The following CACNA1A variants were observed in gnomAD, a reference collection of about 807,000 sequenced individuals.
CACNA1A encodes the protein calcium voltage-gated channel subunit alpha1 A.
In CACNA1A, 57 loss-of-function variants were observed where a neutral mutation model predicts 262.4. The ratio of observed to expected loss-of-function variants is 0.22; its 90% CI spans 0.18 to 0.27. The LOEUF (loss-of-function observed/expected upper bound fraction) is 0.27. Among genes scored for constraint, CACNA1A ranks in the 10% least tolerant of loss-of-function variants. CACNA1A has a pLI of 1.00. For missense variants in CACNA1A, 2,526 were observed against 3,562.8 expected (o/e 0.71, Z 7.41); for synonymous variants, 1,431 against 1,419.3 (o/e 1.01, Z -0.18).
At chr19:13,355,294 C>A (rs1168282797) in intron 6 of CACNA1A, among the ~76,000 whole-genome samples, 2 of 152,196 alleles carry the variant, frequency 1.3e-5, no homozygotes, top group Non-Finnish European at 2.9e-5. Flanking sequence ...GAAGGATCCT[C>A]CCCCGGAGGC....
At chr19:13,468,557 T>C (rs373644262) in intron 1 of CACNA1A, among the ~76,000 whole-genome samples, 112 of 152,214 alleles carry the variant, frequency 7.4e-4, no homozygotes, top group Middle Eastern at 3.4e-3. Context: ...GAGGCCAAGG[T>C]GGCCGGATCA....
At chr19:13,487,564 G>C (rs1862256) in intron 1 of CACNA1A, among the ~76,000 whole-genome samples, 79,020 of 151,248 alleles carry the variant, frequency 0.52, 21,193 homozygotes, top group East Asian at 0.66. Flanking sequence ...ACTACAGAGA[G>C]GTGATGGTTG....
At chr19:13,326,446 C>T (rs1052267532) in intron 10 of CACNA1A, among the ~76,000 whole-genome samples, 1 of 152,196 alleles carries the variant, frequency 6.6e-6, no homozygotes, top group East Asian at 1.9e-4. Flanking sequence ...CTTTATAGTG[C>T]GTTTATCAAC....
chr19:13,443,500 C>T (rs1470916294), intron 3 of CACNA1A, among the ~76,000 whole-genome samples: 1 of 151,968 alleles, frequency 6.6e-6, no homozygotes, highest in South Asian at 2.1e-4. Flanking sequence ...TACCAACATA[C>T]CTGGCCAACT....
intron 24 of CACNA1A, among the ~76,000 whole-genome samples, chr19:13,267,246 AAAG>A (rs2056885358): frequency 6.6e-6 from 1 of 152,144 alleles, no homozygotes; most frequent in Non-Finnish European, 1.5e-5. Context: ...GCCTCAGAAA[AAAG>A]AACACAGAAC....
intron 6 of CACNA1A, among the ~76,000 whole-genome samples, chr19:13,347,059 G>GTTTGTTTTTTTTTTTTTTTT (rs1600390610): frequency 5.1e-5 from 3 of 58,394 alleles, no homozygotes; most frequent in Non-Finnish European, 7.0e-5. Context: ...TGTTTTTTTT[G>GTTTGTTTTTTTTTTTTTTTT]TTTTTTTGTT....
At chr19:13,302,649 A>G (rs2057810403) in intron 17 of CACNA1A, among the ~76,000 whole-genome samples, 1 of 152,130 alleles carries the variant, frequency 6.6e-6, no homozygotes, top group South Asian at 2.1e-4. Context: ...CCAGCCCCTA[A>G]GGATGGACTC....
intron 30 of CACNA1A, among the ~76,000 whole-genome samples, chr19:13,247,873 G>A (rs1205461585): frequency 6.6e-6 from 1 of 152,096 alleles, no homozygotes. Context: ...ACAAGTGTTA[G>A]GGAATTAATA....
rs2144629622 is a variant in CACNA1A at position 13,231,775 on chromosome 19, G to T, written c.5335C>A (p.Arg1779=). ...TAAGCAAATTCATTGCCACACTCTC[G>T]AGTCAGGATGCCAGAGTTCTTATCA... ...PCDKNSGILT[R]ECGNEFAYFY... is the part of the protein sequence containing the mutation. Residue 1779 remains arginine, a synonymous_variant, in exon 35 of 47, where the codon CGA becomes AGA. Transcript: ENST00000360228. 6.2e-7 allele frequency: 1 copy of T among 1,613,836 alleles called. No individual in the cohort carries two copies.
chr19:13,404,992 G>A (rs10409827), intron 3 of CACNA1A, among the ~76,000 whole-genome samples: 1 of 151,924 alleles, frequency 6.6e-6, no homozygotes, highest in Non-Finnish European at 1.5e-5. Context: ...CACCTCCCGG[G>A]TTCAAGCGAT....
rs1370306846 is a variant in CACNA1A at position 13,241,492 on chromosome 19, T to C, written c.4950+3690A>G. On this transcript the variant is annotated intron_variant, in intron 31 of 46. Coordinates refer to ENST00000360228, the MANE Select transcript of CACNA1A (RefSeq NM_001127222.2). This position sits in a 1 kb window ranked among gnomAD's most constrained non-coding sequence, Gnocchi z 4.0. ...ATGCGTTCACAGTTAATGTAAGGCA[T>C]TTAGACTTCAGAAAGAAGTAAGACC... The C allele has an allele frequency of 3.4e-5, 52 of 1,521,476 alleles. No homozygotes were observed. The highest frequency in any genetic ancestry group is 4.5e-5 in the Non-Finnish European group (51 of 1,126,000). 94.2% of individuals were successfully genotyped at this position (1,521,476 alleles called of 1,614,324 possible).
chr19:13,329,618 A>G (rs7255442), intron 10 of CACNA1A, among the ~76,000 whole-genome samples: 36,750 of 150,216 alleles, frequency 0.24, 5,509 homozygotes, highest in African/African-American at 0.43. Flanking sequence ...CCTCCAGAGT[A>G]GCTGGAACTA....
intron 3 of CACNA1A, among the ~76,000 whole-genome samples, chr19:13,415,768 A>AAAAAAAAAAAAAAAAAAAAAAAAG (rs2060209435): frequency 6.9e-6 from 1 of 145,504 alleles, no homozygotes; most frequent in Admixed American, 6.8e-5. Flanking sequence ...AAAAAAAAAA[A>AAAAAAAAAAAAAAAAAAAAAAAAG]AAAAAGTAGA....
chr19:13,310,034 G>C (rs1253574905), intron 12 of CACNA1A, among the ~76,000 whole-genome samples: 1 of 152,088 alleles, frequency 6.6e-6, no homozygotes, highest in East Asian at 1.9e-4. Context: ...CTATGGATTT[G>C]CCTGCTCTGG....
chr19:13,434,135 A>G (rs946775327), intron 3 of CACNA1A, among the ~76,000 whole-genome samples: 8 of 152,166 alleles, frequency 5.3e-5, no homozygotes, highest in African/African-American at 1.9e-4. Context: ...CACACATGTT[A>G]TATCTGTGTT....
intron 16 of CACNA1A, 67 bp downstream of exon 16, chr19:13,303,700 A>G: frequency 6.4e-7 from 1 of 1,554,708 alleles, no homozygotes; most frequent in Non-Finnish European, 8.9e-7. Context: ...CCCTCCCTTG[A>G]GCCCCTGCAA....
chr19:13,293,843 A>AGTG (rs2057600336), intron 19 of CACNA1A, among the ~76,000 whole-genome samples: 1 of 145,504 alleles, frequency 6.9e-6, no homozygotes, highest in Non-Finnish European at 1.5e-5. Flanking sequence ...GAGAGGAGTG[A>AGTG]AATTCTGAAA....
In CACNA1A at chr19:13,207,423, G is replaced by A; in HGVS notation, c.7411C>T (p.Arg2471Ter). 2 of 1,523,934 alleles carry A rather than the reference G, an allele frequency of 1.3e-6. No homozygotes were observed. Among genetic ancestry groups the A allele is most frequent in the Admixed American group, 2.0e-5 (1 of 50,640 alleles). 94.4% of individuals were successfully genotyped at this position (1,523,934 alleles called of 1,614,324 possible). The change falls in exon 47 of 47, where the codon CGA becomes TGA. Residue 2471 changes from arginine (R) to a stop codon, truncating the protein, a stop_gained. Transcript: ENST00000360228. LOFTEE classifies it high-confidence loss of function. This position sits in a 1 kb window ranked among gnomAD's most constrained non-coding sequence, Gnocchi z 5.7. ...ACASPSRHGR[R>*]LPNGYYPAHG... ...GCCGGGTAGTAGCCGTTGGGGAGTC[G>A]CCGGCCGTGCCGAGAAGGCGAGGCG...
chr19:13,464,997 C>T lies in CACNA1A; in HGVS notation c.294-9785G>A, dbSNP rs538472414. Among the ~76,000 whole-genome samples, 10 of 151,990 alleles carry T rather than the reference C, an allele frequency of 6.6e-5. No homozygotes were observed. The East Asian group carries it at 9.7e-4, about 15-fold the overall frequency. Reference sequence around the variant, plus strand: ...AGGCTGGAGTGCAATGGTGCAATCTCGGTTGACTGCAGCCTCCACCTCCTG... The same window carrying T: ...AGGCTGGAGTGCAATGGTGCAATCTTGGTTGACTGCAGCCTCCACCTCCTG... On this transcript the variant is annotated intron_variant, in intron 1 of 46. Coordinates refer to ENST00000360228, the MANE Select transcript of CACNA1A (RefSeq NM_001127222.2).
Sources: allele counts gnomAD v4.1 joint callset (sites outside exome capture counted in the v4.1 genomes callset), GRCh38; gene constraint gnomAD v4.1.1; non-coding constraint Gnocchi (gnomAD v3.1); transcripts MANE v1.5; gene names NCBI Gene and HGNC (gene_info 2026-07-23, HGNC 2026-07-21).